KCTD10: variants seen among roughly 807,000 people sequenced by gnomAD.
The protein encoded by KCTD10 is potassium channel tetramerization domain containing 10.
A neutral mutation model predicts 34.6 loss-of-function variants in KCTD10; 13 were observed. That is an observed-to-expected ratio of 0.38 (90% CI 0.24 to 0.60). The LOEUF (loss-of-function observed/expected upper bound fraction) is 0.60, where lower values mean the gene tolerates loss of function less well. Ranked by LOEUF, KCTD10 falls within the 20% of genes least tolerant of loss-of-function variation. The pLI is 0.66. For missense variants in KCTD10, 256 were observed against 420.3 expected (o/e 0.61, Z 3.42); for synonymous variants, 156 against 168.8 (o/e 0.92, Z 0.59).
At chr12:109,458,298 G>A (rs1873133754) in intron 3 of KCTD10, 1 of 534,820 alleles carries the variant, frequency 1.9e-6, no homozygotes, top group African/African-American at 1.9e-5. Flanking sequence ...AGGATGCTGA[G>A]TAAGTACTAA....
intron 2 of KCTD10, among the ~76,000 whole-genome samples, chr12:109,467,658 C>A (rs147483508): frequency 1.3e-5 from 2 of 152,102 alleles, no homozygotes; most frequent in East Asian, 3.9e-4. Context: ...AAATGCCATA[C>A]CATTAGCTTT....
chr12:109,456,397 C>G (rs1252407882), intron 5 of KCTD10, 84 bp from the exon 6 acceptor site: 1 of 1,188,550 alleles, frequency 8.4e-7, no homozygotes, highest in Admixed American at 1.7e-5. Context: ...CAGGGCCCTA[C>G]TGAGCCCACT....
chr12:109,463,982 C>T, intron 2 of KCTD10, among the ~76,000 whole-genome samples: 1 of 152,146 alleles, frequency 6.6e-6, no homozygotes, highest in Non-Finnish European at 1.5e-5. Flanking sequence ...CTTTCAGGGA[C>T]CCAAGGGAGG....
At chr12:109,475,297 C>T (rs766822758) in intron 1 of KCTD10, among the ~76,000 whole-genome samples, 4 of 151,814 alleles carry the variant, frequency 2.6e-5, no homozygotes, top group Admixed American at 1.3e-4. Context: ...AACATAAGAC[C>T]TAATCTCCAC....
chr12:109,475,872 T>A (rs1874180383), intron 1 of KCTD10, among the ~76,000 whole-genome samples: 1 of 112,158 alleles, frequency 8.9e-6, no homozygotes, highest in Non-Finnish European at 1.8e-5. Context: ...ATAAGACAGC[T>A]ACCGCCAATT....
Position 109,469,539 on chromosome 12 carries a change from T to C in KCTD10, c.193A>G (p.Met65Val). ...TMLKAMFSGR[M>V]EVLTDSEGWI... ...CCTTCACTGTCGGTGAGCACTTCCA[T>C]GCGCCCGCTGAACATGGCCTTCAGC... Residue 65 changes from methionine (M) to valine (V), a missense_variant, in exon 2 of 7, where the codon ATG becomes GTG. Met to Val is a conservative substitution (Grantham distance 21, BLOSUM62 1). Coordinates refer to ENST00000228495, the MANE Select transcript of KCTD10 (RefSeq NM_031954.5). The C allele has an allele frequency of 1.9e-6, 3 of 1,614,168 alleles. No homozygotes were observed. The highest frequency in any genetic ancestry group is 2.5e-6 in the Non-Finnish European group (3 of 1,180,008).
At position 109,472,356 on chromosome 12, in the gene KCTD10, G is replaced by A. The variant is rs568287446; in HGVS notation, c.4-2628C>T. Reference sequence around the variant, plus strand: ...ACACACATTAGCCTAGCCTACACAGGGTCAGGATTATCAGTATCACTGTCC... The same window carrying A: ...ACACACATTAGCCTAGCCTACACAGAGTCAGGATTATCAGTATCACTGTCC... On this transcript the variant is annotated intron_variant, in intron 1 of 6. Coordinates refer to ENST00000228495, the MANE Select transcript of KCTD10 (RefSeq NM_031954.5). Among the ~76,000 whole-genome samples the A allele has an allele frequency of 1.5e-4, 22 of 151,624 alleles. 1 individual carries two copies. In the South Asian group the frequency reaches 4.6e-3, roughly 32 times the overall value.
rs763115852 is a variant in KCTD10, at chr12:109,457,932, A to G, written c.474+60T>C. ...CATGTTTTTATTTCAAAAGTTATTC[A>G]GAAGAACCTCCATCATTTCTGGTAG... On this transcript the variant is annotated intron_variant, in intron 4 of 6. Coordinates refer to ENST00000228495, the MANE Select transcript of KCTD10 (RefSeq NM_031954.5). 167 of 1,378,434 alleles carry G rather than the reference A, an allele frequency of 1.2e-4. 1 individual carries two copies. Among genetic ancestry groups the G allele is most frequent in the Non-Finnish European group, 1.6e-4 (159 of 966,788 alleles). 85.4% of individuals were successfully genotyped at this position (1,378,434 alleles called of 1,614,324 possible).
chr12:109,452,654 A>G (rs1872830863), intron 6 of KCTD10, among the ~76,000 whole-genome samples: 1 of 152,210 alleles, frequency 6.6e-6, no homozygotes, highest in Non-Finnish European at 1.5e-5. Flanking sequence ...CATGGCAGGC[A>G]GATGGGGGAA....
In KCTD10 at chr12:109,451,587, T is replaced by C. The variant is rs768020325; in HGVS notation, c.*8A>G. Reference sequence around the variant, plus strand: ...GGTGAGAGGAGGGCGGCTCGGTCTCTTGCCTGCTCACTGGTGGAGGTGGGC... The same window carrying C: ...GGTGAGAGGAGGGCGGCTCGGTCTCCTGCCTGCTCACTGGTGGAGGTGGGC... On this transcript the variant is annotated 3_prime_UTR_variant, in exon 7 of 7. Coordinates refer to ENST00000228495, the MANE Select transcript of KCTD10 (RefSeq NM_031954.5). This position sits in a 1 kb window ranked among gnomAD's most constrained non-coding sequence, Gnocchi z 5.0. 1 of 1,601,332 alleles carries C rather than the reference T, an allele frequency of 6.2e-7. No homozygotes were observed. The highest frequency in any genetic ancestry group is 1.7e-5 in the Admixed American group (1 of 59,624).
At position 109,449,426 on chromosome 12, in the gene KCTD10, A is replaced by G. The variant is rs921824838; in HGVS notation, c.*2169T>C. ...GTTCCACAAACTCATTCTTCACACA[A>G]ACATTTAAAACACTATGCAGCCAGG... On this transcript the variant is annotated 3_prime_UTR_variant, in exon 7 of 7. Coordinates refer to ENST00000228495, the MANE Select transcript of KCTD10 (RefSeq NM_031954.5). 1.3e-5 allele frequency: 2 copies of G among 152,056 alleles called. No homozygotes were observed. The highest frequency in any genetic ancestry group is 6.5e-5 in the Admixed American group (1 of 15,272). 9.4% of individuals were successfully genotyped at this position (152,056 alleles called of 1,614,324 possible). A position where few individuals can be genotyped will look rare whatever the true frequency, so the allele number is the denominator to read the frequency against.
At chr12:109,474,998 C>T (rs1874085062) in intron 1 of KCTD10, among the ~76,000 whole-genome samples, 1 of 152,120 alleles carries the variant, frequency 6.6e-6, no homozygotes, top group African/African-American at 2.4e-5. Flanking sequence ...GCAATTTAAC[C>T]CAAGTCTCAG....
chr12:109,470,276 G>C (rs1481147937), intron 1 of KCTD10: 6 of 985,326 alleles, frequency 6.1e-6, no homozygotes, highest in African/African-American at 1.7e-5. Context: ...TGGGATTCCA[G>C]CTGGCACTCC....
At chr12:109,452,889 A>ATT (rs1872849993) in intron 6 of KCTD10, among the ~76,000 whole-genome samples, 1 of 149,984 alleles carries the variant, frequency 6.7e-6, no homozygotes, top group Admixed American at 6.6e-5. Flanking sequence ...AAGCTTTAAA[A>ATT]TTTTAAGACT....
intron 5 of KCTD10, chr12:109,456,679 A>C: frequency 2.9e-6 from 1 of 345,690 alleles, no homozygotes; most frequent in South Asian, 2.6e-5. Flanking sequence ...GCACTGCCCA[A>C]GGGAGACTCT....
At chr12:109,462,529 T>G (rs1217308355) in intron 2 of KCTD10, among the ~76,000 whole-genome samples, 1 of 152,210 alleles carries the variant, frequency 6.6e-6, no homozygotes, top group African/African-American at 2.4e-5. Flanking sequence ...TTTCTACATC[T>G]GAGAAAACAA....
chr12:109,471,024 T>C, intron 1 of KCTD10: 1 of 705,982 alleles, frequency 1.4e-6, no homozygotes, highest in Non-Finnish European at 1.7e-6. Context: ...CCCACCCCAA[T>C]GCAACAAGGA....
At chr12:109,469,451 C>A (rs990774005) in intron 2 of KCTD10, 64 bp downstream of exon 2, 12 of 1,567,606 alleles carry the variant, frequency 7.7e-6, no homozygotes, top group Non-Finnish European at 1.0e-5. Context: ...GTCACTTCTT[C>A]AGGGAAGCCC....
intron 1 of KCTD10, among the ~76,000 whole-genome samples, chr12:109,472,384 C>T (rs752981174): frequency 1.2e-4 from 19 of 152,014 alleles, no homozygotes; most frequent in South Asian, 2.1e-4. Flanking sequence ...CACTGTCCTC[C>T]ACATCCTGTC....
Sources: allele counts gnomAD v4.1 joint callset (sites outside exome capture counted in the v4.1 genomes callset), GRCh38; gene constraint gnomAD v4.1.1; non-coding constraint Gnocchi (gnomAD v3.1); transcripts MANE v1.5; gene names NCBI Gene and HGNC (gene_info 2026-07-23, HGNC 2026-07-21).